The following AUTS2 variants were observed in gnomAD, a reference collection of about 807,000 sequenced individuals.
AUTS2 encodes activator of transcription and developmental regulator AUTS2, also known as autism susceptibility gene 2 protein.
A neutral mutation model predicts 112.4 loss-of-function variants in AUTS2; 17 were observed. The ratio of observed to expected loss-of-function variants is 0.15; its 90% CI spans 0.10 to 0.23. The LOEUF (loss-of-function observed/expected upper bound fraction) is 0.23, where lower values mean the gene tolerates loss of function less well. Ranked by LOEUF, AUTS2 falls within the 10% of genes least tolerant of loss-of-function variation. AUTS2 has a pLI of 1.00. For missense variants in AUTS2, 1,510 were observed against 1,701.6 expected, an observed-to-expected ratio of 0.89 and a Z score of 1.98; for synonymous variants, 751 against 702.7, an observed-to-expected ratio of 1.07 and a Z score of -1.09.
At chr7:70,372,685 T>C (rs1792893546) in intron 4 of AUTS2, among the ~76,000 whole-genome samples, 1 of 151,462 alleles carries the variant, frequency 6.6e-6, no homozygotes, top group Non-Finnish European at 1.5e-5. Flanking sequence ...AATACAAGTA[T>C]TTTAAACTGC....
Position 70,776,316 on chromosome 7 carries a change from T to G in AUTS2, c.1933-787T>G, listed in dbSNP as rs557346035. Among the ~76,000 whole-genome samples, 17 of 152,256 alleles carry G rather than the reference T, an allele frequency of 1.1e-4. No individual in the cohort carries two copies. In the South Asian group the frequency reaches 1.2e-3, roughly 11 times the overall value. On this transcript the variant is annotated intron_variant, in intron 13 of 18. Coordinates refer to ENST00000342771, the MANE Select transcript of AUTS2 (RefSeq NM_015570.4). ...ACTTAGCAGAAATGAAGTGAAAAGG[T>G]GGTCCCTGCCCGCTGACTGGTAGAA...
chr7:69,691,869 C>G (rs1339166195), intron 1 of AUTS2, among the ~76,000 whole-genome samples: 2 of 151,762 alleles, frequency 1.3e-5, no homozygotes, highest in Admixed American at 1.3e-4. Flanking sequence ...TTTTTTTTGT[C>G]TCTTACAGGT....
At chr7:70,404,357 A>T (rs1235866164) in intron 4 of AUTS2, among the ~76,000 whole-genome samples, 1 of 152,104 alleles carries the variant, frequency 6.6e-6, no homozygotes, top group East Asian at 1.9e-4. Flanking sequence ...ATTCCTGTCT[A>T]TATCTCTCTG....
intron 2 of AUTS2, among the ~76,000 whole-genome samples, chr7:69,913,928 C>T (rs1795460144): frequency 6.6e-6 from 1 of 152,110 alleles, no homozygotes; most frequent in Non-Finnish European, 1.5e-5. Flanking sequence ...AATGGTTCCC[C>T]CTCTGTTTTT....
At chr7:70,078,892 G>A (rs778611681) in intron 2 of AUTS2, among the ~76,000 whole-genome samples, 3 of 152,204 alleles carry the variant, frequency 2.0e-5, no homozygotes, top group Non-Finnish European at 2.9e-5. Flanking sequence ...ATTGCATTCT[G>A]TGGATAGCAG....
At chr7:70,145,601 A>T (rs1447144223) in intron 4 of AUTS2, among the ~76,000 whole-genome samples, 2 of 152,144 alleles carry the variant, frequency 1.3e-5, no homozygotes, top group African/African-American at 2.4e-5. Context: ...AAAACTTTCT[A>T]TTATTTGTAG....
chr7:70,166,236 G>A (rs1026593768), intron 4 of AUTS2, among the ~76,000 whole-genome samples: 3 of 152,112 alleles, frequency 2.0e-5, no homozygotes, highest in African/African-American at 7.2e-5. Flanking sequence ...CATCAGGCTT[G>A]TTTTGTGCAG....
rs111837548 is a variant in AUTS2, at chr7:70,572,242, A to G, written c.691-126327A>G. 4.1e-3 allele frequency among the ~76,000 whole-genome samples: 620 copies of G among 152,204 alleles called. 3 individuals are homozygous for G. Among genetic ancestry groups the G allele is most frequent in the African/African-American group, 0.014 (589 of 41,526 alleles). On this transcript the variant is annotated intron_variant, in intron 5 of 18. Transcript: ENST00000342771. Reference sequence around the variant, plus strand: ...ATGTGAAGTGATCCAGGGTGCTGGCAGATGCAGACGAGGTGGGAGGGAGGT... The same window carrying G: ...ATGTGAAGTGATCCAGGGTGCTGGCGGATGCAGACGAGGTGGGAGGGAGGT...
intron 4 of AUTS2, among the ~76,000 whole-genome samples, chr7:70,233,966 T>G (rs1411385184): frequency 6.6e-6 from 1 of 152,198 alleles, no homozygotes; most frequent in East Asian, 1.9e-4. Flanking sequence ...GTTGATCATG[T>G]GGAGGATGTA....
intron 2 of AUTS2, among the ~76,000 whole-genome samples, chr7:70,068,904 G>A (rs1003894125): frequency 5.3e-5 from 8 of 152,172 alleles, no homozygotes; most frequent in South Asian, 2.1e-4. Flanking sequence ...GAGACCTTTC[G>A]ATAAGTAGTG....
chr7:70,603,534 C>T (rs1298532823), intron 5 of AUTS2, among the ~76,000 whole-genome samples: 1 of 152,184 alleles, frequency 6.6e-6, no homozygotes, highest in East Asian at 1.9e-4. Context: ...CTCTCCTACT[C>T]CAGTGCTTAG....
intron 1 of AUTS2, among the ~76,000 whole-genome samples, chr7:69,735,738 A>T (rs1219289532): frequency 1.3e-5 from 2 of 152,208 alleles, no homozygotes; most frequent in Admixed American, 6.5e-5. Context: ...CAGCCCCCTG[A>T]CAAGGAGTCT....
chr7:69,780,952 C>G lies in AUTS2; in HGVS notation c.310-118334C>G, dbSNP rs118162477. Among the ~76,000 whole-genome samples, 801 of 152,300 alleles carry G rather than the reference C, an allele frequency of 5.3e-3. 1 individual carries two copies. Among genetic ancestry groups the G allele is most frequent in the Non-Finnish European group, 8.8e-3 (597 of 68,012 alleles). On this transcript the variant is annotated intron_variant, in intron 1 of 18. Transcript: ENST00000342771. The stretch of plus-strand genomic sequence containing the variant: ...CAACCACCATTTAAAGAGCTATCCA[C>G]AAAGCTATAAATTAGAATTATAGTT...
intron 1 of AUTS2, among the ~76,000 whole-genome samples, chr7:69,699,126 T>G (rs1182583344): frequency 6.6e-6 from 1 of 152,178 alleles, no homozygotes. Flanking sequence ...TATAACTATG[T>G]AGAGTTAAAA....
intron 6 of AUTS2, among the ~76,000 whole-genome samples, chr7:70,714,616 C>A (rs1810256353): frequency 6.6e-6 from 1 of 152,214 alleles, no homozygotes; most frequent in South Asian, 2.1e-4. Flanking sequence ...GTGCTCCACC[C>A]TCCCCAGCTT....
In AUTS2 at chr7:69,714,064, AT is replaced by A. The variant is rs570065998; in HGVS notation, c.309+114114del. Among the ~76,000 whole-genome samples, 219 of 145,310 alleles carry A rather than the reference AT, an allele frequency of 1.5e-3. 1 individual carries two copies. Among genetic ancestry groups the A allele is most frequent in the African/African-American group, 4.2e-3 (167 of 39,760 alleles). On this transcript the variant is annotated intron_variant, in intron 1 of 18. Coordinates refer to ENST00000342771, the MANE Select transcript of AUTS2 (RefSeq NM_015570.4). ...GAATTAATTTTTGTATATGGATTGAATTTTTTTTTTTTGAGATGGGGTTTTG... is the reference window on the plus strand; with the variant it reads ...GAATTAATTTTTGTATATGGATTGAATTTTTTTTTTTGAGATGGGGTTTTG...
chr7:69,936,604 C>G (rs563459211), intron 2 of AUTS2, among the ~76,000 whole-genome samples: 54 of 152,270 alleles, frequency 3.5e-4, no homozygotes, highest in African/African-American at 1.3e-3. Flanking sequence ...CAGCCTAGGC[C>G]TCCCAAAGTG....
intron 1 of AUTS2, among the ~76,000 whole-genome samples, chr7:69,891,995 C>G (rs116037085): frequency 1.3e-5 from 2 of 150,682 alleles, no homozygotes; most frequent in Non-Finnish European, 3.0e-5. Flanking sequence ...GGGTTTCACC[C>G]GTTAGTCAGG....
chr7:70,397,660 C>T (rs913635254), intron 4 of AUTS2, among the ~76,000 whole-genome samples: 1 of 146,990 alleles, frequency 6.8e-6, no homozygotes, highest in Non-Finnish European at 1.5e-5. Context: ...CATGTATGTA[C>T]ACACACACAC....
Sources: gnomAD v4.1 joint callset for allele counts (sites outside exome capture counted in the v4.1 genomes callset) on GRCh38, gnomAD v4.1.1 for gene constraint, MANE v1.5 for transcripts, NCBI Gene and HGNC (gene_info 2026-07-23, HGNC 2026-07-21) for gene names.